Variants in CCDC171 observed in about 807,000 individuals in gnomAD.
CCDC171 encodes the protein coiled-coil domain containing 171.
In CCDC171, 177 loss-of-function variants were observed where a neutral mutation model predicts 168.2. The ratio of observed to expected loss-of-function variants is 1.05; its 90% CI spans 0.93 to 1.19. The LOEUF (loss-of-function observed/expected upper bound fraction) is 1.19, where lower values mean the gene tolerates loss of function less well. CCDC171 is among the 50% of genes most tolerant of loss of function. CCDC171 has a pLI of 0.00. For missense variants in CCDC171, 1,991 were observed against 1,539.0 expected, an observed-to-expected ratio of 1.29 and a Z score of -4.91; for synonymous variants, 687 against 540.8, an observed-to-expected ratio of 1.27 and a Z score of -3.75.
At chr9:15,946,028 T>A (rs909651413) in intron 25 of CCDC171, among the ~76,000 whole-genome samples, 2 of 151,900 alleles carry the variant, frequency 1.3e-5, no homozygotes, top group African/African-American at 4.8e-5. Flanking sequence ...ATCGTTTAAG[T>A]CTTTAATCCA....
intron 23 of CCDC171, among the ~76,000 whole-genome samples, chr9:15,864,759 C>G (rs916701439): frequency 2.6e-5 from 4 of 151,958 alleles, no homozygotes; most frequent in East Asian, 3.9e-4. Context: ...TAGATACTAA[C>G]CAAGTGCCTA....
At position 15,571,743 on chromosome 9, in the gene CCDC171, C is replaced by G; in HGVS notation, c.161C>G (p.Thr54Ser). ...WAKKEKLEIT[T>S]KHNAELASYE... ...AAAAAAGAAAAGTTAGAAATAACAA[C>G]CAAACACAATGCAGAGGTACGATTT... The change falls in exon 3 of 26, where the codon ACC (threonine) becomes AGC (serine). Residue 54 changes from threonine to serine, a missense_variant. Transcript: ENST00000380701. 6.3e-7 allele frequency: 1 copy of G among 1,584,520 alleles called. No homozygotes were observed. Among genetic ancestry groups the G allele is most frequent in the African/African-American group, 1.4e-5 (1 of 73,024 alleles).
In CCDC171 at chr9:15,564,057, A is replaced by T. The variant is rs747991600; in HGVS notation, c.-32A>T. On this transcript the variant is annotated 5_prime_UTR_variant, in exon 2 of 26. Transcript: ENST00000380701. ...AGAAAGAAATATGTCATTAAGAAATAGCAGGGTATTTTGAAAGAGTTGGAA... is the reference window on the plus strand; with the variant it reads ...AGAAAGAAATATGTCATTAAGAAATTGCAGGGTATTTTGAAAGAGTTGGAA... 7.8e-6 allele frequency: 12 copies of T among 1,545,432 alleles called. No individual in the cohort carries two copies. The South Asian group carries it at 1.4e-4, about 18-fold the overall frequency.
intron 16 of CCDC171, among the ~76,000 whole-genome samples, chr9:15,739,712 T>A (rs949418435): frequency 6.6e-6 from 1 of 151,812 alleles, no homozygotes; most frequent in Admixed American, 6.6e-5. Flanking sequence ...ATTGGAAACT[T>A]TGAGACAAAA....
At position 15,587,887 on chromosome 9, in the gene CCDC171, A is replaced by G. The variant is rs989449042; in HGVS notation, c.353-3479A>G. 7.9e-5 allele frequency among the ~76,000 whole-genome samples: 12 copies of G among 152,342 alleles called. No homozygotes were observed. The East Asian group carries it at 2.3e-3, about 29-fold the overall frequency. ...TTAATTTCCTCAGATCTGAAAGAAT[A>G]TATTTCATCTATGAAGTAAGAACCA... On this transcript the variant is annotated intron_variant, in intron 4 of 25. Coordinates refer to ENST00000380701, the MANE Select transcript of CCDC171 (RefSeq NM_173550.4).
intron 18 of CCDC171, among the ~76,000 whole-genome samples, chr9:15,769,757 C>A (rs2056916412): frequency 6.6e-6 from 1 of 152,206 alleles, no homozygotes; most frequent in Non-Finnish European, 1.5e-5. Context: ...GTTGTTCATC[C>A]ATCAAAGTGA....
chr9:15,788,789 G>C (rs1174859917), intron 21 of CCDC171, among the ~76,000 whole-genome samples: 1 of 152,050 alleles, frequency 6.6e-6, no homozygotes, highest in Non-Finnish European at 1.5e-5. Flanking sequence ...CTGAGTTCAA[G>C]CGATCCCCTT....
intron 24 of CCDC171, chr9:15,889,073 C>T (rs1195084330): frequency 6.7e-6 from 1 of 149,874 alleles, no homozygotes; most frequent in Non-Finnish European, 1.5e-5. Flanking sequence ...ACTCTCCTGC[C>T]TCAGCCTCCA....
At chr9:15,918,079 C>T (rs1163899674) in intron 24 of CCDC171, among the ~76,000 whole-genome samples, 1 of 151,598 alleles carries the variant, frequency 6.6e-6, no homozygotes, top group Non-Finnish European at 1.5e-5. Flanking sequence ...TTGAGAAATA[C>T]TTGGATTTGT....
At chr9:15,596,480 C>T (rs2042368638) in intron 6 of CCDC171, among the ~76,000 whole-genome samples, 1 of 152,080 alleles carries the variant, frequency 6.6e-6, no homozygotes, top group Non-Finnish European at 1.5e-5. Flanking sequence ...TTTCTGAGGG[C>T]TCTGTTCTGT....
At chr9:15,796,645 G>A (rs1239490994) in intron 21 of CCDC171, among the ~76,000 whole-genome samples, 1 of 152,222 alleles carries the variant, frequency 6.6e-6, no homozygotes, top group Non-Finnish European at 1.5e-5. Flanking sequence ...TCAACCCTGC[G>A]GTTGGGGAGG....
At chr9:15,565,346 A>G (rs1242108668) in intron 2 of CCDC171, among the ~76,000 whole-genome samples, 1 of 152,092 alleles carries the variant, frequency 6.6e-6, no homozygotes, top group Non-Finnish European at 1.5e-5. Flanking sequence ...ACATCAATGT[A>G]TCAAAGTTTT....
At chr9:15,758,919 CTCTT>C (rs1341495100) in intron 18 of CCDC171, among the ~76,000 whole-genome samples, 3 of 152,108 alleles carry the variant, frequency 2.0e-5, no homozygotes, top group African/African-American at 7.2e-5. Flanking sequence ...TGCAATAAAC[CTCTT>C]TCTTTTGTAA....
At chr9:15,915,364 G>GT (rs71325949) in intron 24 of CCDC171, among the ~76,000 whole-genome samples, 111,914 of 150,110 alleles carry the variant, frequency 0.75, 43,228 homozygotes, top group East Asian at 0.86. Flanking sequence ...TATTCCTAGT[G>GT]TTTTTTTTTA....
chr9:15,665,434 G>T (rs1021471227), intron 8 of CCDC171, among the ~76,000 whole-genome samples: 3 of 152,158 alleles, frequency 2.0e-5, no homozygotes, highest in African/African-American at 7.2e-5. Context: ...GGCTTATAAA[G>T]ATACTCATGT....
rs568080370 is a variant in CCDC171 at position 15,949,119 on chromosome 9, G to A, written c.3754-22490G>A. ...GCTTGTTTTTCTCAGGTTTGTCAAA[G>A]ATCAGATAGTTGTAGATATGTGGCA... On this transcript the variant is annotated intron_variant, in intron 25 of 25. Transcript: ENST00000380701. 4.1e-4 allele frequency among the ~76,000 whole-genome samples: 63 copies of A among 152,162 alleles called. No homozygotes were observed. The South Asian group carries it at 5.6e-3, about 14-fold the overall frequency.
chr9:15,660,577 G>A (rs1188465818), intron 8 of CCDC171, among the ~76,000 whole-genome samples: 1 of 152,138 alleles, frequency 6.6e-6, no homozygotes, highest in Non-Finnish European at 1.5e-5. Context: ...GTGGTATTTG[G>A]TTTTCTGTTC....
Position 15,632,916 on chromosome 9 carries a change from C to T in CCDC171, c.822+9503C>T, listed in dbSNP as rs200936343. ...TGACAAACCTGAGAAAAACAAGCAA[C>T]GCGGAAAGGATTCCCTGTTTAATAA... On this transcript the variant is annotated intron_variant, in intron 7 of 25. Coordinates refer to ENST00000380701, the MANE Select transcript of CCDC171 (RefSeq NM_173550.4). Among the ~76,000 whole-genome samples, 14 of 152,018 alleles carry T rather than the reference C, an allele frequency of 9.2e-5. No individual in the cohort carries two copies. In the Middle Eastern group the frequency reaches 0.01, roughly 111 times the overall value.
the CCDC171 span, among the ~76,000 whole-genome samples, chr9:16,068,334 A>C: frequency 1.2e-4 from 19 of 152,170 alleles, no homozygotes; most frequent in South Asian, 1.5e-3. Context: ...AAGAACATTC[A>C]ATGCTCATGG....
Sources: allele counts gnomAD v4.1 joint callset (sites outside exome capture counted in the v4.1 genomes callset), GRCh38; gene constraint gnomAD v4.1.1; transcripts MANE v1.5; gene names NCBI Gene and HGNC (gene_info 2026-07-23, HGNC 2026-07-21).